Variants in ZNG1C observed in about 807,000 individuals in gnomAD.
ZNG1C encodes the protein Zn regulated GTPase metalloprotein activator 1C.
the ZNG1C span, among the ~76,000 whole-genome samples, chr9:68,297,171 T>C: frequency 6.7e-6 from 1 of 149,964 alleles, no homozygotes; most frequent in East Asian, 1.9e-4. Flanking sequence ...CTCCCCAGGA[T>C]TGTTGTGAAG....
the ZNG1C span, among the ~76,000 whole-genome samples, chr9:68,249,202 A>G: frequency 3.3e-5 from 5 of 151,678 alleles, no homozygotes; most frequent in Non-Finnish European, 7.4e-5. Flanking sequence ...GAGACGTTCT[A>G]CTTCTAAGTA....
the ZNG1C span, chr9:68,247,612 G>A: frequency 3.3e-6 from 5 of 1,516,708 alleles, no homozygotes; most frequent in Non-Finnish European, 4.4e-6. Flanking sequence ...ATTTATTCTA[G>A]GAAGTGCGCT....
the ZNG1C span, among the ~76,000 whole-genome samples, chr9:68,256,493 T>C: frequency 1.8e-5 from 2 of 113,792 alleles, no homozygotes; most frequent in Non-Finnish European, 3.6e-5. Context: ...ATCTATGTTT[T>C]GTTTTCCTTT....
chr9:68,284,220 GC>G, the ZNG1C span, among the ~76,000 whole-genome samples: 1 of 147,402 alleles, frequency 6.8e-6, no homozygotes, highest in South Asian at 2.2e-4. Context: ...CTCTCAAAGT[GC>G]TGGGATTATA....
At chr9:68,274,489 G>T in the ZNG1C span, 1 of 155,466 alleles carries the variant, frequency 6.4e-6, no homozygotes, top group Non-Finnish European at 1.4e-5. Flanking sequence ...AAGGGAGGGG[G>T]TATAAAAGAA....
At chr9:68,265,043 A>ATTTATTTTGT in the ZNG1C span, among the ~76,000 whole-genome samples, 1 of 98,010 alleles carries the variant, frequency 1.0e-5, no homozygotes, top group African/African-American at 3.8e-5. Flanking sequence ...TTTTTATTTT[A>ATTTATTTTGT]TTTATTTTAT....
chr9:68,286,931 A>C, the ZNG1C span, among the ~76,000 whole-genome samples: 2 of 101,612 alleles, frequency 2.0e-5, no homozygotes, highest in Non-Finnish European at 4.2e-5. Context: ...AAAAAAAAAA[A>C]AAAACTCAGT....
chr9:68,247,183 C>T, the ZNG1C span, among the ~76,000 whole-genome samples: 1 of 152,118 alleles, frequency 6.6e-6, no homozygotes, highest in African/African-American at 2.4e-5. Context: ...GAATATTCAG[C>T]AGTTTGTCTA....
chr9:68,246,134 TA>T, the ZNG1C span, among the ~76,000 whole-genome samples: 9,202 of 144,920 alleles, frequency 0.063, 358 homozygotes, highest in Non-Finnish European at 0.083. Context: ...TAAACTGTAG[TA>T]AAAAAAAATA....
the ZNG1C span, chr9:68,299,816 C>A: frequency 2.0e-6 from 1 of 507,502 alleles, no homozygotes; most frequent in African/African-American, 2.0e-5. Context: ...ACAAAAATAT[C>A]TTTTGAAATT....
At chr9:68,286,556 A>T in the ZNG1C span, among the ~76,000 whole-genome samples, 4 of 135,298 alleles carry the variant, frequency 3.0e-5, no homozygotes, top group Non-Finnish European at 4.8e-5. Context: ...CAATTTAAAT[A>T]TAATTTTACT....
At chr9:68,269,132 A>C in the ZNG1C span, 17 of 1,111,552 alleles carry the variant, frequency 1.5e-5, no homozygotes, top group South Asian at 2.7e-4. Context: ...GAATGCTCTT[A>C]ATAAGTTAGT....
the ZNG1C span, chr9:68,272,387 A>G: frequency 9.0e-5 from 7 of 77,526 alleles, no homozygotes; most frequent in South Asian, 7.4e-4. Context: ...TTTTTTGTTT[A>G]CTTCATTCTC....
the ZNG1C span, among the ~76,000 whole-genome samples, chr9:68,293,585 CAA>C: frequency 9.3e-6 from 1 of 107,194 alleles, no homozygotes; most frequent in Non-Finnish European, 2.0e-5. Flanking sequence ...TTTAAAAAGA[CAA>C]AGAGGGACAT....
chr9:68,276,081 T>G, the ZNG1C span, among the ~76,000 whole-genome samples: 1 of 151,964 alleles, frequency 6.6e-6, no homozygotes, highest in Non-Finnish European at 1.5e-5. Flanking sequence ...TTCACGTGTT[T>G]TTTGGTGGCA....
At chr9:68,287,624 C>T in the ZNG1C span, among the ~76,000 whole-genome samples, 1 of 152,280 alleles carries the variant, frequency 6.6e-6, no homozygotes, top group African/African-American at 2.4e-5. Context: ...CCTGTATGTA[C>T]CTATTGCCCT....
At chr9:68,297,312 C>A in the ZNG1C span, among the ~76,000 whole-genome samples, 1 of 122,990 alleles carries the variant, frequency 8.1e-6, no homozygotes, top group African/African-American at 3.1e-5. Context: ...AATGAGGACC[C>A]TTTCATCAGG....
chr9:68,257,246 C>A, the ZNG1C span, among the ~76,000 whole-genome samples: 1 of 131,148 alleles, frequency 7.6e-6, no homozygotes, highest in African/African-American at 2.8e-5. Context: ...CCATGTTGGC[C>A]TGACTGGTCT....
the ZNG1C span, chr9:68,273,945 TTC>T: frequency 2.2e-5 from 3 of 139,218 alleles, no homozygotes; most frequent in Non-Finnish European, 4.8e-5. Flanking sequence ...GTTCAAATGA[TTC>T]TCCTGCCGCA....
Sources: allele counts gnomAD v4.1 joint callset (sites outside exome capture counted in the v4.1 genomes callset), GRCh38; gene constraint gnomAD v4.1.1; transcripts MANE v1.5; gene names NCBI Gene and HGNC (gene_info 2026-07-23, HGNC 2026-07-21).